Variants in ARHGAP10 observed in about 807,000 individuals in gnomAD.
ARHGAP10 encodes the protein Rho GTPase activating protein 10, also known as rho GTPase-activating protein 10.
ARHGAP10 carries 87 observed loss-of-function variants against 108.6 expected under a neutral mutation model. The ratio of observed to expected loss-of-function variants is 0.80; its 90% CI spans 0.67 to 0.96. The LOEUF (loss-of-function observed/expected upper bound fraction) is 0.96, where lower values mean the gene tolerates loss of function less well. ARHGAP10 is among the 40% of genes least tolerant of loss of function. The pLI is 0.00. For missense variants in ARHGAP10, 939 were observed against 954.5 expected (o/e 0.98, Z 0.21); for synonymous variants, 347 against 341.1 (o/e 1.02, Z -0.19).
At chr4:147,786,547 A>C (rs1303050350) in intron 1 of ARHGAP10, among the ~76,000 whole-genome samples, 1 of 152,224 alleles carries the variant, frequency 6.6e-6, no homozygotes, top group Non-Finnish European at 1.5e-5. Context: ...AAAGGGGGGA[A>C]AATTCCATGA....
At chr4:147,987,355 C>T (rs1011142729) in intron 18 of ARHGAP10, among the ~76,000 whole-genome samples, 4 of 152,204 alleles carry the variant, frequency 2.6e-5, no homozygotes, top group Admixed American at 2.0e-4. Context: ...ATTTCCTTCC[C>T]CTTCTAGATC....
At chr4:147,799,784 A>C (rs964516048) in intron 1 of ARHGAP10, among the ~76,000 whole-genome samples, 11 of 152,226 alleles carry the variant, frequency 7.2e-5, no homozygotes, top group African/African-American at 2.4e-4. Flanking sequence ...TAATTTCAAC[A>C]TCTGATTTAT....
At position 147,893,381 on chromosome 4, in the gene ARHGAP10, A is replaced by T. The variant is rs929376350; in HGVS notation, c.1034+11449A>T. Among the ~76,000 whole-genome samples, 7 of 149,714 alleles carry T rather than the reference A, an allele frequency of 4.7e-5. No individual in the cohort carries two copies. In the East Asian group the frequency reaches 1.4e-3, roughly 29 times the overall value. On this transcript the variant is annotated intron_variant, in intron 10 of 22. Coordinates refer to ENST00000336498, the MANE Select transcript of ARHGAP10 (RefSeq NM_024605.4). ...CAGGAAGTAAACTTTTTAAATGTAA[A>T]TTTTTTTTTATGTAAGTGGAATTAT...
chr4:147,907,857 T>C (rs960019788), intron 11 of ARHGAP10, among the ~76,000 whole-genome samples: 1 of 152,174 alleles, frequency 6.6e-6, no homozygotes, highest in African/African-American at 2.4e-5. Context: ...CTTCTATTGA[T>C]TGATCGATGG....
intron 21 of ARHGAP10, among the ~76,000 whole-genome samples, 187 bp from the exon 22 acceptor site, chr4:148,064,229 C>T (rs1369613487): frequency 3.9e-5 from 6 of 152,116 alleles, no homozygotes; most frequent in Non-Finnish European, 8.8e-5. Context: ...GAATTGGAAA[C>T]CCATCATTTA....
intron 18 of ARHGAP10, among the ~76,000 whole-genome samples, chr4:148,010,836 C>G (rs551756784): frequency 6.6e-6 from 1 of 152,280 alleles, no homozygotes; most frequent in African/African-American, 2.4e-5. Context: ...TTGAGATGTA[C>G]TGCTCTAATG....
chr4:147,796,887 A>G (rs1394752855), intron 1 of ARHGAP10, among the ~76,000 whole-genome samples: 2 of 152,224 alleles, frequency 1.3e-5, no homozygotes, highest in Non-Finnish European at 2.9e-5. Flanking sequence ...TTTCTAATGT[A>G]AAAACCTCGT....
At chr4:147,783,150 TTA>T (rs1444028400) in intron 1 of ARHGAP10, among the ~76,000 whole-genome samples, 2 of 140,458 alleles carry the variant, frequency 1.4e-5, no homozygotes, top group Admixed American at 7.8e-5. Context: ...ACACATTAAA[TTA>T]TATATTGTAT....
intron 1 of ARHGAP10, among the ~76,000 whole-genome samples, chr4:147,758,777 G>A (rs1185598413): frequency 2.0e-5 from 3 of 151,826 alleles, no homozygotes; most frequent in South Asian, 2.1e-4. Context: ...TCAGGAGTTC[G>A]AGACCAGCGT....
intron 22 of ARHGAP10, 29 bp downstream of exon 22, chr4:148,064,536 A>G: frequency 6.3e-7 from 1 of 1,585,292 alleles, no homozygotes; most frequent in Non-Finnish European, 8.7e-7. Flanking sequence ...TTCGTCTGTT[A>G]ATCCTGTCCG....
intron 16 of ARHGAP10, among the ~76,000 whole-genome samples, chr4:147,962,597 T>TC (rs936118697): frequency 7.9e-5 from 12 of 152,132 alleles, no homozygotes; most frequent in African/African-American, 2.9e-4. Context: ...TATTAGGATG[T>TC]CCCCCCATCA....
At chr4:147,922,337 C>A (rs1321113465) in intron 13 of ARHGAP10, among the ~76,000 whole-genome samples, 1 of 151,092 alleles carries the variant, frequency 6.6e-6, no homozygotes, top group Non-Finnish European at 1.5e-5. Context: ...CAAAGTGGTG[C>A]AATAAGATAA....
rs759306181 is a variant in ARHGAP10 at position 147,822,831 on chromosome 4, A to C, written c.250+9A>C. ...TGATGAACGATGCATAGGTAATTAAACATGATATTTTGGTTTGTTTTCCTT... is the reference window on the plus strand; with the variant it reads ...TGATGAACGATGCATAGGTAATTAACCATGATATTTTGGTTTGTTTTCCTT... On this transcript the variant is annotated intron_variant, in intron 2 of 22. Coordinates refer to ENST00000336498, the MANE Select transcript of ARHGAP10 (RefSeq NM_024605.4). The C allele has an allele frequency of 2.5e-6, 4 of 1,614,110 alleles. No individual in the cohort carries two copies. In the South Asian group the frequency reaches 4.4e-5, roughly 18 times the overall value.
intron 11 of ARHGAP10, among the ~76,000 whole-genome samples, chr4:147,908,696 G>T (rs1736605640): frequency 6.6e-6 from 1 of 152,160 alleles, no homozygotes; most frequent in Non-Finnish European, 1.5e-5. Flanking sequence ...GGTAAATACT[G>T]ATTTTTTGAA....
chr4:147,903,605 A>G (rs1736338714), intron 10 of ARHGAP10, among the ~76,000 whole-genome samples: 1 of 151,996 alleles, frequency 6.6e-6, no homozygotes, highest in South Asian at 2.1e-4. Flanking sequence ...CTTGTGCTCC[A>G]CCTGTTCATC....
chr4:147,939,397 G>A (rs1449166413), intron 13 of ARHGAP10, among the ~76,000 whole-genome samples: 1 of 152,072 alleles, frequency 6.6e-6, no homozygotes, highest in Admixed American at 6.5e-5. Context: ...GAATTTCTAT[G>A]GTTTTCAGAA....
In ARHGAP10 at chr4:147,965,146, T is replaced by C; in HGVS notation, c.1556+17T>C. 1 of 1,580,444 alleles carries C rather than the reference T, an allele frequency of 6.3e-7. No homozygotes were observed. The highest frequency in any genetic ancestry group is 8.6e-7 in the Non-Finnish European group (1 of 1,158,048). ...CTTAACAAAGTAAGCCTCTTTTTCT[T>C]CGTTTTAACTTTCTTCACTTTGCTC... On this transcript the variant is annotated intron_variant, in intron 17 of 22. Coordinates refer to ENST00000336498, the MANE Select transcript of ARHGAP10 (RefSeq NM_024605.4).
chr4:147,745,267 G>A (rs1184519356), intron 1 of ARHGAP10: 1 of 152,224 alleles, frequency 6.6e-6, no homozygotes, highest in Non-Finnish European at 1.5e-5. Context: ...AGGAAAGTCA[G>A]TGAACTTGGG....
chr4:147,909,874 T>C (rs1736664284), intron 12 of ARHGAP10, 97 bp downstream of exon 12: 1 of 1,195,312 alleles, frequency 8.4e-7, no homozygotes, highest in Non-Finnish European at 1.2e-6. Flanking sequence ...GCTTACTCTC[T>C]GCACCCTCTA....
Sources: gnomAD v4.1 joint callset for allele counts (sites outside exome capture counted in the v4.1 genomes callset) on GRCh38, gnomAD v4.1.1 for gene constraint, MANE v1.5 for transcripts, NCBI Gene and HGNC (gene_info 2026-07-23, HGNC 2026-07-21) for gene names.